Variants in MCOLN2 observed in about 807,000 individuals in gnomAD.
MCOLN2 encodes the protein mucolipin-2.
Under a neutral mutation model 67.5 loss-of-function variants are expected in MCOLN2, and 57 were observed. The ratio of observed to expected loss-of-function variants is 0.84; its 90% CI spans 0.68 to 1.05. The LOEUF (loss-of-function observed/expected upper bound fraction) is 1.05, where lower values mean the gene tolerates loss of function less well. Among genes scored for constraint, MCOLN2 ranks in the 50% least tolerant of loss-of-function variants. The pLI is 0.00. For synonymous variants in MCOLN2, 246 were observed against 233.3 expected (o/e 1.05, Z -0.50); for missense variants, 620 against 678.8 (o/e 0.91, Z 0.96).
chr1:84,962,251 A>C (rs1311442256), intron 2 of MCOLN2, among the ~76,000 whole-genome samples: 2 of 152,236 alleles, frequency 1.3e-5, no homozygotes, highest in Admixed American at 6.5e-5. Flanking sequence ...TGTTATTTAA[A>C]GTAAAATTAG....
chr1:84,981,424 G>A (rs1435259205), intron 1 of MCOLN2, among the ~76,000 whole-genome samples: 1 of 152,142 alleles, frequency 6.6e-6, no homozygotes, highest in Non-Finnish European at 1.5e-5. Flanking sequence ...ATCAGCAGAA[G>A]AATGGATAAA....
intron 1 of MCOLN2, among the ~76,000 whole-genome samples, chr1:84,970,916 C>T (rs1367743210): frequency 1.3e-5 from 2 of 152,110 alleles, no homozygotes; most frequent in Non-Finnish European, 2.9e-5. Context: ...ACTGAGTGGC[C>T]ATTAAGTGTT....
intron 1 of MCOLN2, among the ~76,000 whole-genome samples, chr1:84,988,042 C>T (rs1650707081): frequency 6.6e-6 from 1 of 152,086 alleles, no homozygotes; most frequent in Admixed American, 6.6e-5. Context: ...CAAATGCCAC[C>T]TGTTCCCTAA....
At chr1:84,977,764 G>A (rs1650064680) in intron 1 of MCOLN2, among the ~76,000 whole-genome samples, 1 of 152,108 alleles carries the variant, frequency 6.6e-6, no homozygotes, top group Non-Finnish European at 1.5e-5. Flanking sequence ...GAGCTAATAA[G>A]AGAGATAGGC....
chr1:84,979,254 GA>G (rs981513331), intron 1 of MCOLN2, among the ~76,000 whole-genome samples: 9 of 152,124 alleles, frequency 5.9e-5, no homozygotes, highest in African/African-American at 2.2e-4. Flanking sequence ...AATGTTTAAA[GA>G]AGAACTAATA....
At chr1:84,995,713 GT>G (rs1391042280) in intron 1 of MCOLN2, among the ~76,000 whole-genome samples, 1 of 151,956 alleles carries the variant, frequency 6.6e-6, no homozygotes, top group African/African-American at 2.4e-5. Flanking sequence ...TTGACTTTCA[GT>G]TCTGTATTTC....
At chr1:84,969,793 A>G (rs1649573647) in intron 1 of MCOLN2, among the ~76,000 whole-genome samples, 1 of 152,164 alleles carries the variant, frequency 6.6e-6, no homozygotes. Flanking sequence ...AGTAGAAGAG[A>G]AAGACTTGTC....
At chr1:84,964,254 A>T (rs929485753) in intron 2 of MCOLN2, among the ~76,000 whole-genome samples, 4 of 152,332 alleles carry the variant, frequency 2.6e-5, no homozygotes, top group Non-Finnish European at 5.9e-5. Context: ...CAGAATAAAG[A>T]AGCAACTCTA....
intron 1 of MCOLN2, among the ~76,000 whole-genome samples, chr1:84,983,558 C>T (rs1300392288): frequency 6.6e-6 from 1 of 151,488 alleles, no homozygotes; most frequent in African/African-American, 2.4e-5. Flanking sequence ...GTGTGAGACA[C>T]TGCGCCTGGT....
intron 1 of MCOLN2, among the ~76,000 whole-genome samples, chr1:84,983,509 T>A (rs1557662861): frequency 6.6e-6 from 1 of 151,588 alleles, no homozygotes; most frequent in Non-Finnish European, 1.5e-5. Flanking sequence ...ATGCAGATGA[T>A]CCTTCCCCCT....
intron 13 of MCOLN2, among the ~76,000 whole-genome samples, chr1:84,928,439 A>G (rs1402877892): frequency 6.6e-6 from 1 of 152,186 alleles, no homozygotes; most frequent in Non-Finnish European, 1.5e-5. Flanking sequence ...GCTGCATGAC[A>G]AAACATTTAA....
intron 11 of MCOLN2, among the ~76,000 whole-genome samples, chr1:84,934,407 C>T (rs1395587371): frequency 6.6e-6 from 1 of 152,156 alleles, no homozygotes; most frequent in Admixed American, 6.5e-5. Context: ...GGGCCAAAAA[C>T]CTTTAATTTC....
intron 2 of MCOLN2, among the ~76,000 whole-genome samples, chr1:84,962,644 C>T (rs1353209045): frequency 1.3e-5 from 2 of 152,150 alleles, no homozygotes; most frequent in Non-Finnish European, 2.9e-5. Flanking sequence ...GGAGATGGGA[C>T]TTCAAATAGT....
intron 1 of MCOLN2, among the ~76,000 whole-genome samples, chr1:84,983,676 C>CTTTTTT (rs569506991): frequency 7.7e-6 from 1 of 129,880 alleles, no homozygotes; most frequent in African/African-American, 2.9e-5. Context: ...TTTAAAATTT[C>CTTTTTT]TTTTTTTTTT....
intron 6 of MCOLN2, among the ~76,000 whole-genome samples, chr1:84,950,009 A>G (rs1214717548): frequency 6.6e-6 from 1 of 152,230 alleles, no homozygotes; most frequent in African/African-American, 2.4e-5. Context: ...AGTAGAGGTA[A>G]GTTTATAATC....
intron 1 of MCOLN2, among the ~76,000 whole-genome samples, chr1:84,967,307 C>T (rs1649430394): frequency 6.6e-6 from 1 of 152,172 alleles, no homozygotes; most frequent in Non-Finnish European, 1.5e-5. Flanking sequence ...TGGCTTAAGC[C>T]AGTTTGAGTT....
intron 11 of MCOLN2, among the ~76,000 whole-genome samples, chr1:84,933,424 A>G (rs1349144363): frequency 6.6e-6 from 1 of 152,194 alleles, no homozygotes; most frequent in East Asian, 1.9e-4. Flanking sequence ...AAAAACTCTG[A>G]TGAACTAAAG....
intron 4 of MCOLN2, among the ~76,000 whole-genome samples, chr1:84,955,644 C>A (rs60969677): frequency 1.3e-5 from 2 of 151,928 alleles, no homozygotes; most frequent in African/African-American, 4.8e-5. Context: ...TTTACCACTG[C>A]GGTTTCTGCA....
chr1:84,954,345 A>G (rs955838677), intron 4 of MCOLN2, among the ~76,000 whole-genome samples: 1 of 152,244 alleles, frequency 6.6e-6, no homozygotes, highest in East Asian at 1.9e-4. Context: ...CTAGACCTTA[A>G]TTAGTACAGT....
Sources: allele counts gnomAD v4.1 joint callset (sites outside exome capture counted in the v4.1 genomes callset), GRCh38; gene constraint gnomAD v4.1.1; transcripts MANE v1.5; gene names NCBI Gene and HGNC (gene_info 2026-07-23, HGNC 2026-07-21).